NUDT16L1: variants seen among roughly 807,000 people sequenced by gnomAD.
NUDT16L1 encodes the protein nudix hydrolase 16 like 1, also known as tudor-interacting repair regulator protein.
NUDT16L1 carries 19 observed loss-of-function variants against 17.3 expected under a neutral mutation model. The ratio of observed to expected loss-of-function variants is 1.10; its 90% CI spans 0.77 to 1.61. NUDT16L1 has a LOEUF of 1.61. Among genes scored for constraint, NUDT16L1 ranks in the 40% most tolerant of loss-of-function variants. The pLI is 0.00. For synonymous variants in NUDT16L1, 255 were observed against 138.6 expected (o/e 1.84, Z -5.90); for missense variants, 341 against 292.0 (o/e 1.17, Z -1.22).
intron 1 of NUDT16L1, 49 bp from the exon 2 acceptor site, chr16:4,693,929 G>A (rs746022623): frequency 2.9e-5 from 44 of 1,502,898 alleles, no homozygotes; most frequent in African/African-American, 7.3e-5. Context: ...GGCGGGCCCG[G>A]GCGGGGGCGT....
At chr16:4,695,270 C>T (rs2079518804) in exon 3 of NUDT16L1, 4 of 1,311,370 alleles carry the variant, frequency 3.1e-6, no homozygotes, top group Non-Finnish European at 1.1e-6. Flanking sequence ...GTGTACCCCG[C>T]TTCTGACTGC....
In NUDT16L1 at chr16:4,694,684, C is replaced by T. The variant is rs8057392; in HGVS notation, c.415-274C>T. The T allele has an allele frequency of 0.012, 11,900 of 1,021,050 alleles. 802 individuals carry two copies. The African/African-American group carries it at 0.22, about 19-fold the overall frequency. 63.2% of individuals were successfully genotyped at this position (1,021,050 alleles called of 1,614,324 possible). ...GGGTGTTCAGGCTTCGTTGGGTGGA[C>T]GGGGGGAGCATGGGGTGCGGACCCC... On this transcript the variant is annotated intron_variant, in intron 2 of 2. Transcript: ENST00000304301.
rs1312130500 is a variant in NUDT16L1, at chr16:4,694,249, C to T, written c.414+11C>T. 37 of 1,463,450 alleles carry T rather than the reference C, an allele frequency of 2.5e-5. No homozygotes were observed. The highest frequency in any genetic ancestry group is 3.3e-5 in the Non-Finnish European group (37 of 1,114,506). 90.7% of individuals were successfully genotyped at this position (1,463,450 alleles called of 1,614,324 possible). A position where few individuals can be genotyped will look rare whatever the true frequency, so the allele number is the denominator to read the frequency against. On this transcript the variant is annotated intron_variant, in intron 2 of 2. Transcript: ENST00000304301. ...GACCACGGCCTGGAGGTGGGGCCGCCGCCCGGGCCCCGCCCCCCGCCCCGG... is the reference window on the plus strand; with the variant it reads ...GACCACGGCCTGGAGGTGGGGCCGCTGCCCGGGCCCCGCCCCCCGCCCCGG...
At chr16:4,695,323 G>A in exon 3 of NUDT16L1, 5 of 842,638 alleles carry the variant, frequency 5.9e-6, no homozygotes, top group East Asian at 2.7e-5. Context: ...ACTGTCCCAA[G>A]CAGTCACTAG....
At chr16:4,693,629 A>G (rs1270922333), upstream of NUDT16L1, 30 of 1,271,838 alleles carry the variant, frequency 2.4e-5, no homozygotes, top group Non-Finnish European at 2.9e-5. Flanking sequence ...GGGGAACCGG[A>G]CCCGGGGGCG....
chr16:4,695,155 G>C (rs1434965102), exon 3 of NUDT16L1: 1 of 1,613,094 alleles, frequency 6.2e-7, no homozygotes, highest in Admixed American at 1.7e-5. Context: ...AGGCCCTGGA[G>C]AAGTTGCTCC....
exon 1 of NUDT16L1, chr16:4,693,757 C>G (rs778696361): frequency 6.4e-7 from 1 of 1,556,548 alleles, no homozygotes; most frequent in African/African-American, 1.4e-5. Context: ...GGAGCTGAAG[C>G]AGATCAGCCG....
exon 3 of NUDT16L1, chr16:4,695,673 T>C: frequency 4.9e-6 from 2 of 405,188 alleles, no homozygotes; most frequent in South Asian, 2.3e-4. Context: ...TGGGTTGTTG[T>C]TGGATTTACT....
chr16:4,694,459 C>A (rs750867794), intron 2 of NUDT16L1: 2 of 1,524,702 alleles, frequency 1.3e-6, no homozygotes, highest in South Asian at 2.4e-5. Flanking sequence ...GGCTGTGTTA[C>A]ATCCGCCTTG....
chr16:4,695,435 A>T lies in NUDT16L1; in HGVS notation c.*256A>T, dbSNP rs2079521638. On this transcript the variant is annotated 3_prime_UTR_variant, in exon 3 of 3. Coordinates refer to ENST00000304301, the Ensembl canonical transcript of NUDT16L1. ...CTCCAGCCTCAGGATGCTCTTGTTT[A>T]TTCTGGGCTCAGACCCTCCTCTTGT... 26 of 593,394 alleles carry T rather than the reference A, an allele frequency of 4.4e-5. No individual in the cohort carries two copies. The South Asian group carries it at 5.2e-4, about 12-fold the overall frequency. 36.8% of individuals were successfully genotyped at this position (593,394 alleles called of 1,614,324 possible). A position where few individuals can be genotyped will look rare whatever the true frequency, so the allele number is the denominator to read the frequency against.
At chr16:4,694,827 C>T (rs1037205163) in intron 2 of NUDT16L1, 131 bp from the exon 3 acceptor site, 6 of 1,456,170 alleles carry the variant, frequency 4.1e-6, no homozygotes, top group African/African-American at 1.4e-5. Flanking sequence ...CCAGGCCCTG[C>T]GTGGGTCTCC....
At chr16:4,695,299 C>A in exon 3 of NUDT16L1, 1 of 968,006 alleles carries the variant, frequency 1.0e-6, no homozygotes, top group Non-Finnish European at 1.5e-6. Context: ...AGTGGGCATC[C>A]TGTCATCATC....
rs1036768024 is a variant in NUDT16L1, at chr16:4,694,950, C to G, written c.415-8C>G. 1.2e-6 allele frequency: 2 copies of G among 1,603,280 alleles called. No individual in the cohort carries two copies. The highest frequency in any genetic ancestry group is 2.7e-5 in the African/African-American group (2 of 74,800). On this transcript the variant is annotated splice_polypyrimidine_tract_variant and splice_region_variant and intron_variant, in intron 2 of 2. Transcript: ENST00000304301. ...CCTGGCCCCAACCCCTACCTCCTGT[C>G]TGCGCAGGTGCTGGGCCTCGTGCGG...
At chr16:4,694,822 C>A in intron 2 of NUDT16L1, 136 bp from the exon 3 acceptor site, 1 of 1,453,128 alleles carries the variant, frequency 6.9e-7, no homozygotes, top group Non-Finnish European at 9.0e-7. Context: ...TTCTGCCAGG[C>A]CCTGCGTGGG....
chr16:4,694,315 C>G (rs1312432919), intron 2 of NUDT16L1, 77 bp downstream of exon 2: 3 of 1,482,588 alleles, frequency 2.0e-6, no homozygotes, highest in Admixed American at 4.5e-5. Flanking sequence ...ATGGGTAACA[C>G]GTCTCCTGAG....
At chr16:4,694,416 C>T (rs1307528719) in intron 2 of NUDT16L1, 178 bp downstream of exon 2, 5 of 513,656 alleles carry the variant, frequency 9.7e-6, no homozygotes, top group South Asian at 4.7e-5. Flanking sequence ...AAAGGAGGGG[C>T]GGGGGTGGGG....
At chr16:4,695,035 C>T in exon 3 of NUDT16L1, 12 of 1,613,460 alleles carry the variant, frequency 7.4e-6, no homozygotes, top group South Asian at 1.1e-5. Context: ...TGAGCAACGC[C>T]TTCGTGAGCA....
upstream of NUDT16L1, chr16:4,693,563 A>T (rs910627323): frequency 2.7e-6 from 2 of 744,402 alleles, no homozygotes; most frequent in Non-Finnish European, 3.7e-6. Context: ...GCACCTCTCG[A>T]CGACGCACCG....
intron 2 of NUDT16L1, 123 bp from the exon 3 acceptor site, chr16:4,694,835 T>G (rs1217594022): frequency 1.0e-5 from 15 of 1,459,276 alleles, no homozygotes; most frequent in Non-Finnish European, 1.4e-5. Flanking sequence ...TGCGTGGGTC[T>G]CCCATTAAGT....
Sources: gnomAD v4.1 joint callset for allele counts on GRCh38, gnomAD v4.1.1 for gene constraint, MANE v1.5 for transcripts, NCBI Gene and HGNC (gene_info 2026-07-23, HGNC 2026-07-21) for gene names.